ANKRD12: variants seen among roughly 807,000 people sequenced by gnomAD.
ANKRD12 encodes ankyrin repeat domain 12, also known as ankyrin repeat domain-containing protein 12.
A neutral mutation model predicts 183.4 loss-of-function variants in ANKRD12; 85 were observed. That is an observed-to-expected ratio of 0.46 (90% CI 0.39 to 0.56). The LOEUF (loss-of-function observed/expected upper bound fraction) is 0.56, where lower values mean the gene tolerates loss of function less well. ANKRD12 is among the 20% of genes least tolerant of loss of function. The pLI, the probability that ANKRD12 is intolerant of heterozygous loss-of-function variation, is 0.00. For synonymous variants in ANKRD12, 914 were observed against 800.2 expected (o/e 1.14, Z -2.40); for missense variants, 2,405 against 2,357.1 (o/e 1.02, Z -0.42).
chr18:9,273,043 A>G (rs2039681088), intron 10 of ANKRD12, among the ~76,000 whole-genome samples: 1 of 152,182 alleles, frequency 6.6e-6, no homozygotes, highest in African/African-American at 2.4e-5. Context: ...AGGGCCAATA[A>G]AATGATGTAT....
At chr18:9,144,758 G>C (rs2078436745) in intron 1 of ANKRD12, among the ~76,000 whole-genome samples, 1 of 151,964 alleles carries the variant, frequency 6.6e-6, no homozygotes, top group South Asian at 2.1e-4. Context: ...TGACTATATT[G>C]CTTCCTTTCA....
intron 8 of ANKRD12, among the ~76,000 whole-genome samples, chr18:9,242,161 T>C (rs987286881): frequency 6.6e-6 from 1 of 152,194 alleles, no homozygotes; most frequent in Non-Finnish European, 1.5e-5. Context: ...TACACAAGAC[T>C]ATTAAGTATC....
At chr18:9,165,858 A>T (rs1323694691) in intron 1 of ANKRD12, among the ~76,000 whole-genome samples, 2 of 131,060 alleles carry the variant, frequency 1.5e-5, no homozygotes, top group East Asian at 2.4e-4. Context: ...TCCTAATGCT[A>T]TCCCTCCCCC....
At chr18:9,220,372 G>A (rs1466788213) in intron 7 of ANKRD12, among the ~76,000 whole-genome samples, 1 of 152,184 alleles carries the variant, frequency 6.6e-6, no homozygotes, top group East Asian at 1.9e-4. Context: ...GTTAATGAAT[G>A]TGGTATAGGC....
intron 6 of ANKRD12, among the ~76,000 whole-genome samples, chr18:9,212,018 C>T (rs1371263575): frequency 6.6e-6 from 1 of 152,016 alleles, no homozygotes; most frequent in Non-Finnish European, 1.5e-5. Flanking sequence ...TGACATATTA[C>T]TTGCTGTATA....
At chr18:9,236,790 A>G (rs566887011) in intron 8 of ANKRD12, among the ~76,000 whole-genome samples, 39 of 152,326 alleles carry the variant, frequency 2.6e-4, no homozygotes, top group African/African-American at 8.7e-4. Flanking sequence ...ACTGAGCTTC[A>G]GATTGATTTG....
At chr18:9,205,886 C>CA (rs1209302616) in intron 4 of ANKRD12, among the ~76,000 whole-genome samples, 1 of 152,024 alleles carries the variant, frequency 6.6e-6, no homozygotes, top group Non-Finnish European at 1.5e-5. Flanking sequence ...ATTTTTGAGA[C>CA]ACTAATAGGT....
intron 2 of ANKRD12, among the ~76,000 whole-genome samples, chr18:9,192,782 C>T (rs932585866): frequency 6.6e-6 from 1 of 151,892 alleles, no homozygotes; most frequent in Admixed American, 6.6e-5. Context: ...TTATAGGTCA[C>T]TGCAGCCTTC....
chr18:9,260,432 T>A (rs1205685127), intron 9 of ANKRD12: 1 of 152,192 alleles, frequency 6.6e-6, no homozygotes, highest in Admixed American at 6.5e-5. Flanking sequence ...ACTTTAATCA[T>A]AATTTAATCA....
In ANKRD12 at chr18:9,279,538, T is replaced by C; in HGVS notation, c.5908-11T>C. The stretch of plus-strand genomic sequence containing the variant: ...TTATTGTATTTTATAATACTCACTT[T>C]TCTCTTTTAGTCTGATGACAGTAAA... On this transcript the variant is annotated splice_polypyrimidine_tract_variant and intron_variant, in intron 11 of 12. Transcript: ENST00000262126. 1 of 1,520,536 alleles carries C rather than the reference T, an allele frequency of 6.6e-7. No homozygotes were observed. The highest frequency in any genetic ancestry group is 9.0e-7 in the Non-Finnish European group (1 of 1,105,450). The allele number at this position is 1,520,536 out of a possible 1,614,324, so 94.2% of individuals were successfully genotyped here.
At chr18:9,168,965 G>A (rs575749519) in intron 1 of ANKRD12, among the ~76,000 whole-genome samples, 110 of 152,078 alleles carry the variant, frequency 7.2e-4, no homozygotes, top group African/African-American at 2.3e-3. Context: ...TTCTGCCTTC[G>A]TTTCATTATT....
chr18:9,173,583 C>T (rs1334572598), intron 1 of ANKRD12, among the ~76,000 whole-genome samples: 1 of 139,398 alleles, frequency 7.2e-6, no homozygotes, highest in Non-Finnish European at 1.5e-5. Flanking sequence ...GCAGTCTGCT[C>T]CTTCCCTTGG....
chr18:9,188,936 TAAGTATTC>T (rs2144299478), intron 2 of ANKRD12, among the ~76,000 whole-genome samples: 2 of 152,286 alleles, frequency 1.3e-5, no homozygotes, highest in African/African-American at 4.8e-5. Flanking sequence ...CAGTGGTCTC[TAAGTATTC>T]AAGTGAAGAG....
At position 9,195,590 on chromosome 18, in the gene ANKRD12, A is replaced by G. The variant is rs746386764; in HGVS notation, c.127A>G (p.Ile43Val). The stretch of plus-strand genomic sequence containing the variant: ...TGCATCCTACAGCAAAACTCCAAAA[A>G]TTGAACGAAGTGATGTGAGCAAGGA... ...KIASYSKTPK[I>V]ERSDVSKEMK... is the part of the protein sequence containing the mutation. Residue 43 changes from isoleucine (I) to valine (V), a missense_variant, in exon 3 of 13, where the codon ATT becomes GTT. By Grantham distance (29) the Ile-to-Val change is conservative (BLOSUM62 3). This residue lies in a region of ANKRD12 where 145 missense variants were observed against 145.6 expected (regional missense o/e 1.00). Transcript: ENST00000262126. 6.2e-6 allele frequency: 10 copies of G among 1,611,366 alleles called. No homozygotes were observed. Among genetic ancestry groups the G allele is most frequent in the Non-Finnish European group, 8.5e-6 (10 of 1,178,716 alleles).
chr18:9,276,837 G>GA, intron 11 of ANKRD12, among the ~76,000 whole-genome samples: 1 of 152,174 alleles, frequency 6.6e-6, no homozygotes, highest in Non-Finnish European at 1.5e-5. Context: ...TGTGACTAAA[G>GA]AAATAGGCAC....
intron 8 of ANKRD12, among the ~76,000 whole-genome samples, chr18:9,233,459 TG>T (rs2037169494): frequency 6.6e-6 from 1 of 152,166 alleles, no homozygotes; most frequent in African/African-American, 2.4e-5. Context: ...GGAATTACTG[TG>T]GGGGTGTCAT....
At chr18:9,200,219 T>G (rs1445961599) in intron 3 of ANKRD12, among the ~76,000 whole-genome samples, 1 of 152,138 alleles carries the variant, frequency 6.6e-6, no homozygotes, top group Non-Finnish European at 1.5e-5. Context: ...CAGGAGAAAT[T>G]AGGGAATGAA....
intron 1 of ANKRD12, among the ~76,000 whole-genome samples, chr18:9,152,855 C>T (rs1284801050): frequency 1.3e-5 from 2 of 152,064 alleles, no homozygotes; most frequent in Admixed American, 1.3e-4. Flanking sequence ...TCTCCTTGAC[C>T]CCTACCCTTT....
chr18:9,147,130 CTTATAT>C (rs2078518768), intron 1 of ANKRD12, among the ~76,000 whole-genome samples: 1 of 152,082 alleles, frequency 6.6e-6, no homozygotes, highest in Non-Finnish European at 1.5e-5. Context: ...GGATCTCAGG[CTTATAT>C]TGCAGAAGCA....
Sources: allele counts gnomAD v4.1 joint callset (sites outside exome capture counted in the v4.1 genomes callset), GRCh38; gene constraint gnomAD v4.1.1; regional missense constraint gnomAD v4.1.1; transcripts MANE v1.5; gene names NCBI Gene and HGNC (gene_info 2026-07-23, HGNC 2026-07-21).